RASSF4: variants seen among roughly 807,000 people sequenced by gnomAD.
The protein encoded by RASSF4 is ras association domain-containing protein 4.
RASSF4 carries 38 observed loss-of-function variants against 41.1 expected under a neutral mutation model. The ratio of observed to expected loss-of-function variants is 0.92; its 90% CI spans 0.71 to 1.21. The LOEUF is 1.21. Ranked by LOEUF, RASSF4 falls within the 50% of genes most tolerant of loss-of-function variation. The pLI is 0.00. For missense variants in RASSF4, 414 were observed against 419.4 expected, an observed-to-expected ratio of 0.99 and a Z score of 0.11; for synonymous variants, 179 against 163.4, an observed-to-expected ratio of 1.10 and a Z score of -0.73.
chr10:44,971,459 C>G (rs1214635229), intron 2 of RASSF4: 1 of 557,398 alleles, frequency 1.8e-6, no homozygotes, highest in Non-Finnish European at 3.4e-6. Flanking sequence ...AGGTGGAGGG[C>G]AGGGAGGCTG....
chr10:44,984,179 T>C, intron 5 of RASSF4, 66 bp downstream of exon 5: 2 of 1,429,424 alleles, frequency 1.4e-6, no homozygotes, highest in East Asian at 5.0e-5. Flanking sequence ...GGGGCTTGGC[T>C]CACAACCACA....
At chr10:44,962,708 CT>C (rs946737874) in intron 1 of RASSF4, among the ~76,000 whole-genome samples, 1 of 152,212 alleles carries the variant, frequency 6.6e-6, no homozygotes, top group Non-Finnish European at 1.5e-5. Context: ...CTAAGAAGAT[CT>C]TTGTTTCTGT....
At chr10:44,983,984 C>T in intron 4 of RASSF4, 38 bp from the exon 5 acceptor site, 2 of 1,559,578 alleles carry the variant, frequency 1.3e-6, no homozygotes, top group Non-Finnish European at 1.7e-6. Flanking sequence ...CCTTTCTCTG[C>T]CGGCAGCCAT....
intron 3 of RASSF4, chr10:44,978,818 T>C (rs1344904741): frequency 6.6e-6 from 1 of 152,196 alleles, no homozygotes; most frequent in African/African-American, 2.4e-5. Flanking sequence ...GTGAAGAACC[T>C]TCGCAGGCAA....
intron 1 of RASSF4, among the ~76,000 whole-genome samples, chr10:44,969,379 C>T (rs1447610486): frequency 2.0e-5 from 3 of 151,828 alleles, no homozygotes; most frequent in Non-Finnish European, 2.9e-5. Context: ...GTGTGTGAAC[C>T]GCGTGTGTGT....
At chr10:44,986,052 TG>T (rs1841909661) in intron 6 of RASSF4, among the ~76,000 whole-genome samples, 4 of 152,324 alleles carry the variant, frequency 2.6e-5, no homozygotes. Context: ...GGGTTTAGTG[TG>T]TAATGTGTTG....
intron 1 of RASSF4, among the ~76,000 whole-genome samples, chr10:44,960,499 C>T (rs1178650437): frequency 6.6e-6 from 1 of 152,182 alleles, no homozygotes; most frequent in Admixed American, 6.5e-5. Flanking sequence ...TTGCTCTTCA[C>T]CCTTAGTCTC....
At chr10:44,975,922 G>A in intron 3 of RASSF4, among the ~76,000 whole-genome samples, 1 of 151,988 alleles carries the variant, frequency 6.6e-6, no homozygotes, top group Non-Finnish European at 1.5e-5. Flanking sequence ...CTCTGACCCC[G>A]TTTCATGATG....
intron 3 of RASSF4, chr10:44,978,104 C>T (rs11818604): frequency 0.61 from 932,938 of 1,524,258 alleles, 289,439 homozygotes; most frequent in Non-Finnish European, 0.64. Context: ...TGCGTCCCAC[C>T]GCCCCTCAGC....
At chr10:44,989,888 C>G (rs1459738544) in intron 8 of RASSF4, among the ~76,000 whole-genome samples, 167 bp downstream of exon 8, 1 of 152,238 alleles carries the variant, frequency 6.6e-6, no homozygotes, top group Non-Finnish European at 1.5e-5. Flanking sequence ...ATTTCTCCCC[C>G]ACCCAAACCC....
rs1842092779 is a variant in RASSF4 at position 44,991,083 on chromosome 10, A to G, written c.807+14A>G. The G allele has an allele frequency of 6.2e-7, 1 of 1,607,808 alleles. No homozygotes were observed. On this transcript the variant is annotated intron_variant, in intron 9 of 10. Coordinates refer to ENST00000340258, the MANE Select transcript of RASSF4 (RefSeq NM_032023.4). ...GTCCCCCATGAAGTGAGTGGGGGCC[A>G]AGGCTGGGGAGGCCTGCTCTAGGGT...
intron 3 of RASSF4, chr10:44,977,582 C>T: frequency 1.2e-6 from 2 of 1,613,432 alleles, no homozygotes; most frequent in Non-Finnish European, 1.7e-6. Flanking sequence ...ACAGAGCCTC[C>T]CTCTGGGGGC....
At chr10:44,964,231 A>G (rs1425146662) in intron 1 of RASSF4, among the ~76,000 whole-genome samples, 1 of 152,230 alleles carries the variant, frequency 6.6e-6, no homozygotes, top group Non-Finnish European at 1.5e-5. Flanking sequence ...TCACTGGGAC[A>G]GGTAGCCATG....
In RASSF4 at chr10:44,977,595, C is replaced by G. The variant is rs142587542; in HGVS notation, c.139-4926C>G. 9.9e-6 allele frequency: 16 copies of G among 1,613,354 alleles called. No individual in the cohort carries two copies. The East Asian group carries it at 3.6e-4, about 36-fold the overall frequency. ...TCACAGAGCCTCCCTCTGGGGGCCC[C>G]CATGGGCTTGCTGCTGTCCATCTGT... On this transcript the variant is annotated intron_variant, in intron 3 of 10. Transcript: ENST00000340258.
At chr10:44,985,240 TG>T (rs1251699523) in intron 6 of RASSF4, among the ~76,000 whole-genome samples, 1 of 152,202 alleles carries the variant, frequency 6.6e-6, no homozygotes, top group Non-Finnish European at 1.5e-5. Flanking sequence ...GTGTCTTCAA[TG>T]AGGGCGCTTT....
At chr10:44,992,141 C>T in intron 10 of RASSF4, 139 bp downstream of exon 10, 2 of 609,352 alleles carry the variant, frequency 3.3e-6, no homozygotes, top group African/African-American at 1.8e-5. Flanking sequence ...CTAACCCTAG[C>T]TCCCCAGCAT....
At position 44,985,223 on chromosome 10, in the gene RASSF4, G is replaced by A. The variant is rs41301605; in HGVS notation, c.531+253G>A. On this transcript the variant is annotated intron_variant, in intron 6 of 10. Transcript: ENST00000340258. ...GGGGATGCCCTGGGCAGACAGTAAC[G>A]CTGACCGTGTCTTCAATGAGGGCGC... is the stretch of plus-strand genomic sequence containing the variant. Among the ~76,000 whole-genome samples, 413 of 152,304 alleles carry A rather than the reference G, an allele frequency of 2.7e-3. 1 individual carries two copies. Among genetic ancestry groups the A allele is most frequent in the Admixed American group, 4.7e-3 (72 of 15,308 alleles).
At chr10:44,978,194 G>T in intron 3 of RASSF4, 1 of 699,156 alleles carries the variant, frequency 1.4e-6, no homozygotes. Context: ...CCAGACCAGA[G>T]CTCCGACTGC....
At chr10:44,970,287 G>A in intron 2 of RASSF4, 23 bp downstream of exon 2, 1 of 1,606,596 alleles carries the variant, frequency 6.2e-7, no homozygotes, top group Non-Finnish European at 8.5e-7. Flanking sequence ...GTGCAGGTTG[G>A]GCGGGGGAGT....
Sources: gnomAD v4.1 joint callset for allele counts (sites outside exome capture counted in the v4.1 genomes callset) on GRCh38, gnomAD v4.1.1 for gene constraint, MANE v1.5 for transcripts, NCBI Gene and HGNC (gene_info 2026-07-23, HGNC 2026-07-21) for gene names.